KIF13A: variants seen among roughly 807,000 people sequenced by gnomAD.
KIF13A encodes the protein kinesin-like protein KIF13A.
A neutral mutation model predicts 212.2 loss-of-function variants in KIF13A; 79 were observed. The ratio of observed to expected loss-of-function variants is 0.37; its 90% CI spans 0.31 to 0.45. KIF13A has a LOEUF of 0.45. Ranked by LOEUF, KIF13A falls within the 20% of genes least tolerant of loss-of-function variation. The pLI is 1.00. For missense variants in KIF13A, 1,901 were observed against 2,209.0 expected, an observed-to-expected ratio of 0.86 and a Z score of 2.79; for synonymous variants, 789 against 808.6, an observed-to-expected ratio of 0.98 and a Z score of 0.41.
At chr6:17,841,999 A>ATG (rs373608113) in intron 9 of KIF13A, among the ~76,000 whole-genome samples, 2,339 of 108,776 alleles carry the variant, frequency 0.022, 24 homozygotes, top group Middle Eastern at 0.045. Flanking sequence ...ATATACACAT[A>ATG]CGTGTGTGTG....
rs374175291 is a variant in KIF13A, at chr6:17,943,339, G to C, written c.146+43715C>G. 4.6e-5 allele frequency among the ~76,000 whole-genome samples: 7 copies of C among 151,408 alleles called. No individual in the cohort carries two copies. In the East Asian group the frequency reaches 1.4e-3, roughly 29 times the overall value. On this transcript the variant is annotated intron_variant, in intron 2 of 38. Transcript: ENST00000259711. ...TTTAATTCGATGGCAGTATTTTTTAGAAAGTGATTCTCCAATGTTAGTAAG... is the reference window on the plus strand; with the variant it reads ...TTTAATTCGATGGCAGTATTTTTTACAAAGTGATTCTCCAATGTTAGTAAG...
intron 4 of KIF13A, among the ~76,000 whole-genome samples, chr6:17,858,499 G>A (rs571380582): frequency 5.3e-5 from 8 of 152,292 alleles, no homozygotes; most frequent in African/African-American, 1.9e-4. Flanking sequence ...CCACTCTGGT[G>A]CATGATCTTT....
intron 2 of KIF13A, among the ~76,000 whole-genome samples, chr6:17,972,834 A>AAAAAAAAAAAAG (rs1491111876): frequency 0.021 from 200 of 9,558 alleles, 2 homozygotes; most frequent in African/African-American, 0.15. Flanking sequence ...AGAGAGTGAG[A>AAAAAAAAAAAAG]AAAAAAAAAA....
In KIF13A at chr6:17,967,201, G is replaced by A. The variant is rs1229317663; in HGVS notation, c.146+19853C>T. On this transcript the variant is annotated intron_variant, in intron 2 of 38. Coordinates refer to ENST00000259711, the MANE Select transcript of KIF13A (RefSeq NM_022113.6). This position sits in a 1 kb window ranked among gnomAD's most constrained non-coding sequence, Gnocchi z 4.1. ...TGGACTAAACATTCAGCTGAACCTA[G>A]TGCTGTAAATTTTTAGATAGTGCTA... 1.3e-5 allele frequency among the ~76,000 whole-genome samples: 2 copies of A among 152,192 alleles called. No homozygotes were observed. Among genetic ancestry groups the A allele is most frequent in the South Asian group, 2.1e-4 (1 of 4,832 alleles).
At chr6:17,842,193 G>A (rs1766592779) in intron 9 of KIF13A, among the ~76,000 whole-genome samples, 1 of 151,576 alleles carries the variant, frequency 6.6e-6, no homozygotes, top group Non-Finnish European at 1.5e-5. Flanking sequence ...GAGACCACAG[G>A]TGTGCACCAC....
intron 22 of KIF13A, among the ~76,000 whole-genome samples, chr6:17,797,639 T>A (rs1005032672): frequency 2.0e-5 from 3 of 151,992 alleles, no homozygotes; most frequent in African/African-American, 7.2e-5. Flanking sequence ...CTCACGTCTG[T>A]AATGCCAGCA....
Position 17,843,553 on chromosome 6 carries a change from T to C in KIF13A, c.830+5824A>G, listed in dbSNP as rs755533618. ...TTCCAGTTTGTACCACAGATATGGA[T>C]ACGATGTTTGGAATGATAGAGCTAT... is the stretch of plus-strand genomic sequence containing the variant. On this transcript the variant is annotated intron_variant, in intron 9 of 38. Transcript: ENST00000259711. This position sits in a 1 kb window ranked among gnomAD's most constrained non-coding sequence, Gnocchi z 5.3. Among the ~76,000 whole-genome samples, 1 of 152,178 alleles carries C rather than the reference T, an allele frequency of 6.6e-6. No homozygotes were observed. The highest frequency in any genetic ancestry group is 2.1e-4 in the South Asian group (1 of 4,834).
In KIF13A at chr6:17,772,021, G is replaced by C; in HGVS notation, c.4363C>G (p.Pro1455Ala). The part of the protein sequence containing the change: ...SETPHALTVS[P>A]FKAFSPQPPK... ...GGCTGAGGAGAGAATGCTTTAAAAG[G>C]GCTGACGGTTAAGGCATGAGGAGTC... Residue 1455 changes from proline (P) to alanine (A), a missense_variant, in exon 37 of 39, where the codon CCT becomes GCT. Pro to Ala is a conservative substitution (Grantham distance 27). Transcript: ENST00000259711. The surrounding 1 kb of genome is among the most constrained non-coding windows in gnomAD (Gnocchi z 4.8). 1.9e-6 allele frequency: 3 copies of C among 1,613,918 alleles called. No individual in the cohort carries two copies. Among genetic ancestry groups the C allele is most frequent in the Non-Finnish European group, 2.5e-6 (3 of 1,179,850 alleles).
intron 3 of KIF13A, among the ~76,000 whole-genome samples, chr6:17,887,735 C>T (rs944818244): frequency 6.6e-6 from 1 of 152,106 alleles, no homozygotes; most frequent in Non-Finnish European, 1.5e-5. Context: ...CTCTTGTTGC[C>T]CAGGCTACAG....
At chr6:17,889,041 G>A (rs1015799388) in intron 3 of KIF13A, among the ~76,000 whole-genome samples, 2 of 152,084 alleles carry the variant, frequency 1.3e-5, no homozygotes, top group African/African-American at 4.8e-5. Flanking sequence ...AATAGTACAG[G>A]TCTAGAACTC....
chr6:17,972,239 G>C (rs899241719), intron 2 of KIF13A, among the ~76,000 whole-genome samples: 2 of 152,128 alleles, frequency 1.3e-5, no homozygotes, highest in Non-Finnish European at 2.9e-5. Context: ...CATTATCCTT[G>C]AAACAAGTAA....
At position 17,961,966 on chromosome 6, in the gene KIF13A, TTTTTC is replaced by T. The variant is rs1778850586; in HGVS notation, c.146+25083_146+25087del. 6.6e-6 allele frequency among the ~76,000 whole-genome samples: 1 copy of T among 152,170 alleles called. No homozygotes were observed. The highest frequency in any genetic ancestry group is 2.4e-5 in the African/African-American group (1 of 41,424). On this transcript the variant is annotated intron_variant, in intron 2 of 38. Transcript: ENST00000259711. The surrounding 1 kb of genome is among the most constrained non-coding windows in gnomAD (Gnocchi z 4.1). ...GGTTTAATAGTTCAACGGGCAATGGTTTTTCTTTTGTGTGGCACCTACATACCAAT... is the reference window on the plus strand; with the variant it reads ...GGTTTAATAGTTCAACGGGCAATGGTTTTTGTGTGGCACCTACATACCAAT...
rs1160928692 is a variant in KIF13A at position 17,963,484 on chromosome 6, C to A, written c.146+23570G>T. On this transcript the variant is annotated intron_variant, in intron 2 of 38. Coordinates refer to ENST00000259711, the MANE Select transcript of KIF13A (RefSeq NM_022113.6). The surrounding 1 kb of genome is among the most constrained non-coding windows in gnomAD (Gnocchi z 4.1). Reference sequence around the variant, plus strand: ...AGTAACATGGATAGATAAGGTCTTACAATATGAAGAAATATATTACCGATG... The same window carrying A: ...AGTAACATGGATAGATAAGGTCTTAAAATATGAAGAAATATATTACCGATG... Among the ~76,000 whole-genome samples the A allele has an allele frequency of 6.6e-6, 1 of 152,064 alleles. No homozygotes were observed. The highest frequency in any genetic ancestry group is 1.5e-5 in the Non-Finnish European group (1 of 68,010).
At chr6:17,869,019 A>AAAACAAAAAAAAAAAAAAAC (rs1554187445) in intron 4 of KIF13A, among the ~76,000 whole-genome samples, 1 of 126,514 alleles carries the variant, frequency 7.9e-6, no homozygotes, top group Non-Finnish European at 1.7e-5. Context: ...AAAAAAAAAA[A>AAAACAAAAAAAAAAAAAAAC]ACACAAATAA....
chr6:17,778,860 T>G, intron 33 of KIF13A, 87 bp downstream of exon 33: 8 of 1,427,600 alleles, frequency 5.6e-6, no homozygotes, highest in South Asian at 1.2e-5. Context: ...ATAGATTTAG[T>G]GAGGTGTTTG....
At chr6:17,877,009 C>G (rs1770621996) in intron 3 of KIF13A, among the ~76,000 whole-genome samples, 1 of 152,010 alleles carries the variant, frequency 6.6e-6, no homozygotes, top group Non-Finnish European at 1.5e-5. Flanking sequence ...ATCTTTGAAG[C>G]CTGCAATGTT....
intron 2 of KIF13A, among the ~76,000 whole-genome samples, chr6:17,949,573 T>C (rs1352478945): frequency 1.3e-5 from 2 of 152,118 alleles, no homozygotes; most frequent in Admixed American, 6.5e-5. Flanking sequence ...AAGAAAAACA[T>C]ACTTCTAAAC....
At chr6:17,792,196 CAAAAAAAAA>C (rs10666115) in intron 25 of KIF13A, among the ~76,000 whole-genome samples, 3 of 75,116 alleles carry the variant, frequency 4.0e-5, no homozygotes, top group Non-Finnish European at 7.1e-5. Context: ...GAGTGAGACT[CAAAAAAAAA>C]AAAAAAAAAA....
At chr6:17,862,686 T>C (rs1319636696) in intron 4 of KIF13A, among the ~76,000 whole-genome samples, 3 of 151,958 alleles carry the variant, frequency 2.0e-5, no homozygotes, top group Non-Finnish European at 2.9e-5. Flanking sequence ...TGGTGGTTCA[T>C]ACCTGTAATC....
Sources: allele counts gnomAD v4.1 joint callset (sites outside exome capture counted in the v4.1 genomes callset), GRCh38; gene constraint gnomAD v4.1.1; non-coding constraint Gnocchi (gnomAD v3.1); transcripts MANE v1.5; gene names NCBI Gene and HGNC (gene_info 2026-07-23, HGNC 2026-07-21).